HAS2: variants seen among roughly 807,000 people sequenced by gnomAD.
HAS2 encodes the protein HA synthase 2.
HAS2 carries 16 observed loss-of-function variants against 51.6 expected under a neutral mutation model. The ratio of observed to expected loss-of-function variants is 0.31; its 90% CI spans 0.21 to 0.47. HAS2 has a LOEUF of 0.47. Among genes scored for constraint, HAS2 ranks in the 20% least tolerant of loss-of-function variants. The pLI is 1.00. For missense variants in HAS2, 361 were observed against 662.6 expected (o/e 0.54, Z 5.00); for synonymous variants, 228 against 235.5 (o/e 0.97, Z 0.29).
intron 2 of HAS2, among the ~76,000 whole-genome samples, chr8:121,625,918 A>C (rs182727547): frequency 2.9e-4 from 44 of 152,172 alleles, no homozygotes; most frequent in Non-Finnish European, 4.7e-4. Context: ...TAAATTTGCT[A>C]CCACACTGGG....
chr8:121,638,775 C>T (rs2130455983), intron 1 of HAS2, among the ~76,000 whole-genome samples: 1 of 152,174 alleles, frequency 6.6e-6, no homozygotes, highest in Non-Finnish European at 1.5e-5. Context: ...CCTTATTAAG[C>T]TCTAGAAAAA....
chr8:121,615,098 G>A lies in HAS2; in HGVS notation c.730-60C>T, dbSNP rs576652459. ...TTAGCTAAAAATTCCAGCAAAACCTGTTCCATCCTGAGGTTACTACCTGGA... is the reference window on the plus strand; with the variant it reads ...TTAGCTAAAAATTCCAGCAAAACCTATTCCATCCTGAGGTTACTACCTGGA... On this transcript the variant is annotated intron_variant, in intron 3 of 3. Transcript: ENST00000303924. 2.8e-5 allele frequency: 34 copies of A among 1,203,976 alleles called. No homozygotes were observed. In the South Asian group the frequency reaches 4.8e-4, roughly 17 times the overall value. The allele number at this position is 1,203,976 out of a possible 1,614,324, so 74.6% of individuals were successfully genotyped here. A position where few individuals can be genotyped will look rare whatever the true frequency, so the allele number is the denominator to read the frequency against.
intron 2 of HAS2, among the ~76,000 whole-genome samples, chr8:121,623,191 A>G (rs1346577292): frequency 6.6e-6 from 1 of 152,174 alleles, no homozygotes; most frequent in Non-Finnish European, 1.5e-5. Context: ...AAATTATTAT[A>G]AAATAATTCC....
chr8:121,627,140 G>A (rs901013597), intron 2 of HAS2, among the ~76,000 whole-genome samples: 1 of 152,166 alleles, frequency 6.6e-6, no homozygotes, highest in South Asian at 2.1e-4. Flanking sequence ...AATGACAAAT[G>A]TAGCAATTGT....
chr8:121,624,835 C>A (rs1399105603), intron 2 of HAS2, among the ~76,000 whole-genome samples: 2 of 152,158 alleles, frequency 1.3e-5, no homozygotes, highest in African/African-American at 2.4e-5. Context: ...GTGGCTCACG[C>A]CTGTAATCCC....
At chr8:121,616,448 T>C (rs1812702796) in intron 3 of HAS2, among the ~76,000 whole-genome samples, 2 of 151,852 alleles carry the variant, frequency 1.3e-5, no homozygotes, top group South Asian at 4.1e-4. Flanking sequence ...TTTTCTTTTT[T>C]TTTTTTGAGA....
chr8:121,639,135 T>C (rs1813052155), intron 1 of HAS2, among the ~76,000 whole-genome samples: 1 of 152,226 alleles, frequency 6.6e-6, no homozygotes, highest in South Asian at 2.1e-4. Flanking sequence ...ACAAGCGGCC[T>C]CACTCCTTCA....
intron 1 of HAS2, among the ~76,000 whole-genome samples, chr8:121,633,333 T>C (rs181258464): frequency 1.0e-3 from 156 of 152,126 alleles, no homozygotes; most frequent in Non-Finnish European, 1.8e-3. Context: ...TTAGTAGAGA[T>C]GGGTTTCACC....
chr8:121,630,953 C>T (rs967778129), intron 1 of HAS2, among the ~76,000 whole-genome samples: 2 of 152,138 alleles, frequency 1.3e-5, no homozygotes, highest in Non-Finnish European at 2.9e-5. Flanking sequence ...TGGCTTCTTA[C>T]CAATTGTGTT....
At chr8:121,631,807 A>G (rs1188885897) in intron 1 of HAS2, among the ~76,000 whole-genome samples, 2 of 152,358 alleles carry the variant, frequency 1.3e-5, no homozygotes, top group East Asian at 3.9e-4. Context: ...CAAGAGTGAA[A>G]AATTTCAAGG....
At position 121,614,961 on chromosome 8, in the gene HAS2, G is replaced by T. The variant is rs777588813; in HGVS notation, c.807C>A (p.Ala269=). The T allele has an allele frequency of 1.2e-6, 2 of 1,613,218 alleles. No homozygotes were observed. Among genetic ancestry groups the T allele is most frequent in the South Asian group, 2.2e-5 (2 of 91,070 alleles). ...GAACACACCCAAAATAAGACTGACAGGCCCTTTCTATATTAAAAGCCATCC... is the reference window on the plus strand; with the variant it reads ...GAACACACCCAAAATAAGACTGACATGCCCTTTCTATATTAAAAGCCATCC... ...RYWMAFNIER[A]CQSYFGCVQC... is the part of the protein sequence containing the mutation. Residue 269 remains alanine (A), a synonymous_variant, in exon 4 of 4, where the codon GCC becomes GCA. Transcript: ENST00000303924. The surrounding 1 kb of genome is among the most constrained non-coding windows in gnomAD (Gnocchi z 7.2).
chr8:121,625,001 G>A (rs1274488702), intron 2 of HAS2, among the ~76,000 whole-genome samples: 2 of 151,610 alleles, frequency 1.3e-5, no homozygotes, highest in Non-Finnish European at 2.9e-5. Flanking sequence ...GGGAGGTTGA[G>A]GCAGGAGAAT....
At position 121,614,134 on chromosome 8, in the gene HAS2, T is replaced by G; in HGVS notation, c.1634A>C (p.Gln545Pro). 1 of 1,614,096 alleles carries G rather than the reference T, an allele frequency of 6.2e-7. No individual in the cohort carries two copies. The change falls in exon 4 of 4, where the codon CAA (glutamine) becomes CCA (proline). Residue 545 changes from glutamine (Q) to proline (P), a missense_variant. Around this residue, in one of 5 missense-constraint regions of HAS2, gnomAD observed 61 missense variants for 73.1 expected, o/e 0.84. Transcript: ENST00000303924. The surrounding 1 kb of genome is among the most constrained non-coding windows in gnomAD (Gnocchi z 7.2). ...TCATACATCAAGCACCATGTCATAT[T>G]GTTGTCCCTTCTTCCGCCTGCCACA... ...NKCGRRKKGQQYDMVLDV is the reference protein window; with the variant it reads ...NKCGRRKKGQPYDMVLDV
chr8:121,639,970 A>T (rs906074000), intron 1 of HAS2: 10 of 152,072 alleles, frequency 6.6e-5, no homozygotes, highest in African/African-American at 2.2e-4. Context: ...AGCTGAGGAG[A>T]GAAGCGCCGG....
rs962590328 is a variant in HAS2, at chr8:121,613,123, T to G, written c.*986A>C. 2 of 152,180 alleles carry G rather than the reference T, an allele frequency of 1.3e-5. No homozygotes were observed. The highest frequency in any genetic ancestry group is 4.8e-5 in the African/African-American group (2 of 41,448). 9.4% of individuals were successfully genotyped at this position (152,180 alleles called of 1,614,324 possible). ...AAACACTGCCAGAATCTCCAAAGATTATTCATCTTTGATACCCATGTTTTG... is the reference window on the plus strand; with the variant it reads ...AAACACTGCCAGAATCTCCAAAGATGATTCATCTTTGATACCCATGTTTTG... On this transcript the variant is annotated 3_prime_UTR_variant, in exon 4 of 4. Coordinates refer to ENST00000303924, the MANE Select transcript of HAS2 (RefSeq NM_005328.3).
rs1563625817 is a variant in HAS2, at chr8:121,640,446, G to GC, written c.-1+406_-1+407insG. 6.6e-3 allele frequency among the ~76,000 whole-genome samples: 800 copies of GC among 121,858 alleles called. 7 individuals carry two copies. Among genetic ancestry groups the GC allele is most frequent in the Middle Eastern group, 0.029 (6 of 204 alleles). The allele number at this position is 121,858 out of a possible 152,430, so 79.9% of individuals were successfully genotyped here. A position where few individuals can be genotyped will look rare whatever the true frequency, so the allele number is the denominator to read the frequency against. ...GTGTGTGTGTGTGTGTGTGTGTGTG[G>GC]GAAAAAAAGAAGGGAAGGGGTGGGG... On this transcript the variant is annotated intron_variant, in intron 1 of 3. Coordinates refer to ENST00000303924, the MANE Select transcript of HAS2 (RefSeq NM_005328.3).
intron 1 of HAS2, among the ~76,000 whole-genome samples, chr8:121,630,432 A>G (rs76245274): frequency 0.033 from 4,993 of 152,236 alleles, 299 homozygotes; most frequent in African/African-American, 0.11. Flanking sequence ...AAGGATTTGT[A>G]TTTCCCAAAG....
chr8:121,624,231 T>C (rs1004598829), intron 2 of HAS2, among the ~76,000 whole-genome samples: 1 of 152,052 alleles, frequency 6.6e-6, no homozygotes, highest in Non-Finnish European at 1.5e-5. Flanking sequence ...GCATTACAGT[T>C]CAAGGCCATG....
At chr8:121,625,494 T>TA (rs1292744807) in intron 2 of HAS2, among the ~76,000 whole-genome samples, 4 of 151,130 alleles carry the variant, frequency 2.6e-5, no homozygotes, top group East Asian at 1.9e-4. Context: ...TTGTCACTCT[T>TA]AAAAAAAATT....
Sources: gnomAD v4.1 joint callset for allele counts (sites outside exome capture counted in the v4.1 genomes callset) on GRCh38, gnomAD v4.1.1 for gene constraint, gnomAD v4.1.1 regional missense constraint, Gnocchi (gnomAD v3.1) non-coding constraint, MANE v1.5 for transcripts, NCBI Gene and HGNC (gene_info 2026-07-23, HGNC 2026-07-21) for gene names.